The following NRCAM variants were observed in gnomAD, a reference collection of about 807,000 sequenced individuals.
NRCAM encodes neuronal cell adhesion molecule.
A neutral mutation model predicts 156.5 loss-of-function variants in NRCAM; 83 were observed. That is an observed-to-expected ratio of 0.53 (90% confidence interval 0.44 to 0.64). The LOEUF (loss-of-function observed/expected upper bound fraction) is 0.64, where lower values mean the gene tolerates loss of function less well. Among genes scored for constraint, NRCAM ranks in the 30% least tolerant of loss-of-function variants. The probability of loss-of-function intolerance (pLI) is 0.00; values close to 1 mark genes in which losing one functional copy is unlikely to be tolerated. For synonymous variants in NRCAM, 538 were observed against 563.9 expected (o/e 0.95, Z 0.65); for missense variants, 1,417 against 1,597.3 (o/e 0.89, Z 1.92).
At chr7:108,172,340 G>A (rs1424260530) in intron 28 of NRCAM, among the ~76,000 whole-genome samples, 2 of 152,104 alleles carry the variant, frequency 1.3e-5, no homozygotes, top group East Asian at 1.9e-4. Context: ...GTGCAGTGGT[G>A]CAATCTTGGC....
chr7:108,364,521 C>T (rs868412812), intron 2 of NRCAM, among the ~76,000 whole-genome samples: 12 of 152,038 alleles, frequency 7.9e-5, no homozygotes, highest in African/African-American at 2.9e-4. Flanking sequence ...CCCGGGAGAA[C>T]TGAAAGCATA....
Position 108,382,003 on chromosome 7 carries a change from C to A in NRCAM, c.-174+17433G>T, listed in dbSNP as rs73714842. Among the ~76,000 whole-genome samples the A allele has an allele frequency of 9.9e-3, 1,504 of 152,226 alleles. 24 individuals carry two copies. Among genetic ancestry groups the A allele is most frequent in the African/African-American group, 0.034 (1,404 of 41,532 alleles). The stretch of plus-strand genomic sequence containing the variant: ...TGTTATGCAACAATCAATAAATAGA[C>A]TTCACAGTGCAGAGATTAGTTGCCT... On this transcript the variant is annotated intron_variant, in intron 2 of 32. Coordinates refer to ENST00000379028, the MANE Select transcript of NRCAM (RefSeq NM_001037132.4).
intron 1 of NRCAM, among the ~76,000 whole-genome samples, chr7:108,445,797 G>T (rs184976839): frequency 2.0e-5 from 3 of 152,072 alleles, no homozygotes; most frequent in Non-Finnish European, 4.4e-5. Flanking sequence ...CTCTAATATG[G>T]CACCACTGCC....
intron 3 of NRCAM, among the ~76,000 whole-genome samples, chr7:108,302,140 A>G (rs996804952): frequency 6.6e-6 from 1 of 152,022 alleles, no homozygotes; most frequent in Non-Finnish European, 1.5e-5. Context: ...GCTTAGTAAT[A>G]ATGACATATT....
chr7:108,292,514 T>C (rs2098332778), intron 3 of NRCAM, among the ~76,000 whole-genome samples: 1 of 152,218 alleles, frequency 6.6e-6, no homozygotes, highest in Admixed American at 6.5e-5. Context: ...TTGTTAAATA[T>C]GTCACACAGA....
chr7:108,303,517 G>A (rs747624800), intron 3 of NRCAM, among the ~76,000 whole-genome samples: 8 of 152,150 alleles, frequency 5.3e-5, no homozygotes, highest in Non-Finnish European at 7.3e-5. Context: ...TGGGGTGTCT[G>A]TTCTGAACTC....
chr7:108,237,691 CA>C, intron 5 of NRCAM, 60 bp downstream of exon 5: 1 of 1,308,870 alleles, frequency 7.6e-7, no homozygotes, highest in South Asian at 1.7e-5. Context: ...AATATTAATT[CA>C]AAAAGCAAAG....
chr7:108,277,094 A>G (rs904751539), intron 3 of NRCAM, among the ~76,000 whole-genome samples: 3 of 152,240 alleles, frequency 2.0e-5, no homozygotes, highest in Non-Finnish European at 4.4e-5. Flanking sequence ...GGGTTTCTGC[A>G]GAGAGATCCG....
rs1025842812 is a variant in NRCAM at position 108,201,177 on chromosome 7, A to G, written c.1208-3078T>C. Among the ~76,000 whole-genome samples the G allele has an allele frequency of 6.9e-4, 45 of 64,996 alleles. 1 individual carries two copies. The highest frequency in any genetic ancestry group is 5.7e-3 in the Admixed American group (45 of 7,856). The allele number at this position is 64,996 out of a possible 152,430, so 42.6% of individuals were successfully genotyped here. ...AACAAACTAAATTTTTAAGGTCGGT[A>G]AAAAAAAAAAAAAAAGAAAAAGATT... On this transcript the variant is annotated intron_variant, in intron 13 of 32. Coordinates refer to ENST00000379028, the MANE Select transcript of NRCAM (RefSeq NM_001037132.4).
chr7:108,271,106 TA>T, intron 3 of NRCAM, among the ~76,000 whole-genome samples: 1 of 152,332 alleles, frequency 6.6e-6, no homozygotes, highest in Non-Finnish European at 1.5e-5. Flanking sequence ...GAGCTATACT[TA>T]AAAATGGTTA....
chr7:108,183,662 G>C (rs929894555), intron 22 of NRCAM, among the ~76,000 whole-genome samples: 2 of 151,916 alleles, frequency 1.3e-5, no homozygotes, highest in Non-Finnish European at 2.9e-5. Flanking sequence ...TCAGCCTCCT[G>C]AGTAGCTGGG....
chr7:108,327,528 T>G (rs2099082186), intron 2 of NRCAM, among the ~76,000 whole-genome samples: 3 of 152,122 alleles, frequency 2.0e-5, no homozygotes, highest in African/African-American at 7.2e-5. Context: ...TTTCTAAAGA[T>G]GCAAAACTTT....
At chr7:108,403,322 T>G (rs992210616) in intron 1 of NRCAM, among the ~76,000 whole-genome samples, 1 of 152,200 alleles carries the variant, frequency 6.6e-6, no homozygotes, top group Non-Finnish European at 1.5e-5. Flanking sequence ...TACGAAATAT[T>G]CATTATGCCA....
At chr7:108,341,876 G>A (rs183099605) in intron 2 of NRCAM, among the ~76,000 whole-genome samples, 240 of 152,274 alleles carry the variant, frequency 1.6e-3, no homozygotes, top group African/African-American at 5.3e-3. Flanking sequence ...GATTATCAGT[G>A]AGGCCGTTGT....
At chr7:108,339,836 C>T (rs1302857991) in intron 2 of NRCAM, among the ~76,000 whole-genome samples, 1 of 152,120 alleles carries the variant, frequency 6.6e-6, no homozygotes, top group Non-Finnish European at 1.5e-5. Flanking sequence ...AAAAACACCC[C>T]TAAGATGTAT....
intron 1 of NRCAM, among the ~76,000 whole-genome samples, chr7:108,455,057 C>A (rs1472592454): frequency 1.3e-5 from 2 of 152,088 alleles, no homozygotes; most frequent in African/African-American, 2.4e-5. Context: ...TGGCCGCGGG[C>A]GCGGGCGGGA....
intron 2 of NRCAM, among the ~76,000 whole-genome samples, chr7:108,334,050 A>G (rs1310361122): frequency 2.0e-5 from 3 of 152,248 alleles, no homozygotes; most frequent in Non-Finnish European, 4.4e-5. Flanking sequence ...AACAATATTC[A>G]GAATTGTAAT....
chr7:108,357,997 T>C (rs1001634339), intron 2 of NRCAM, among the ~76,000 whole-genome samples: 2 of 152,014 alleles, frequency 1.3e-5, no homozygotes. Context: ...GTCCTGACAA[T>C]GTGTAAAATC....
At chr7:108,163,819 G>A (rs1392877912) in intron 30 of NRCAM, among the ~76,000 whole-genome samples, 4 of 122,188 alleles carry the variant, frequency 3.3e-5, no homozygotes, top group African/African-American at 1.4e-4. Flanking sequence ...GCGGTAATGA[G>A]AGGTCATACC....
Sources: gnomAD v4.1 joint callset for allele counts (sites outside exome capture counted in the v4.1 genomes callset) on GRCh38, gnomAD v4.1.1 for gene constraint, MANE v1.5 for transcripts, NCBI Gene and HGNC (gene_info 2026-07-23, HGNC 2026-07-21) for gene names.